The following FBL variants were observed in gnomAD, a reference collection of about 807,000 sequenced individuals.
The protein encoded by FBL is rRNA 2'-O-methyltransferase fibrillarin.
FBL carries 10 observed loss-of-function variants against 42.2 expected under a neutral mutation model. The ratio of observed to expected loss-of-function variants is 0.24; its 90% CI spans 0.15 to 0.40. FBL has a LOEUF of 0.40. Ranked by LOEUF, FBL falls within the 10% of genes least tolerant of loss-of-function variation. The pLI, the probability that FBL is intolerant of heterozygous loss-of-function variation, is 1.00. For synonymous variants in FBL, 165 were observed against 165.4 expected (o/e 1.00, Z 0.02); for missense variants, 351 against 439.2 (o/e 0.80, Z 1.79).
chr19:39,837,887 T>C (rs1242675626), intron 5 of FBL, 44 bp from the exon 6 acceptor site: 1 of 1,570,004 alleles, frequency 6.4e-7, no homozygotes, highest in East Asian at 2.3e-5. Context: ...CTAGTTCTCA[T>C]GCATGGAGTG....
intron 7 of FBL, among the ~76,000 whole-genome samples, chr19:39,836,290 TAGACA>T (rs1193983746): frequency 6.6e-6 from 1 of 152,124 alleles, no homozygotes; most frequent in Admixed American, 6.5e-5. Context: ...TGAAAAAGAC[TAGACA>T]ATATTTCTAT....
At chr19:39,842,237 C>G (rs898523445) in intron 1 of FBL, among the ~76,000 whole-genome samples, 2 of 152,294 alleles carry the variant, frequency 1.3e-5, no homozygotes, top group East Asian at 3.9e-4. Flanking sequence ...AGGCGCCCAC[C>G]ACCATGCCCG....
rs546898553 is a variant in FBL at position 39,846,315 on chromosome 19, T to C, written c.-15A>G. On this transcript the variant is annotated 5_prime_UTR_variant, in exon 1 of 9. Transcript: ENST00000221801. Reference sequence around the variant, plus strand: ...CCTGGCTTCATGGCGAGCCCTGGTTTGTGCGGCTCCGGAGTCCGCGGCGTT... The same window carrying C: ...CCTGGCTTCATGGCGAGCCCTGGTTCGTGCGGCTCCGGAGTCCGCGGCGTT... The C allele has an allele frequency of 2.5e-6, 4 of 1,613,516 alleles. No individual in the cohort carries two copies. Among genetic ancestry groups the C allele is most frequent in the East Asian group, 2.2e-5 (1 of 44,868 alleles).
chr19:39,834,675 C>G lies in FBL; in HGVS notation c.934G>C (p.Val312Leu). Residue 312 changes from valine (V) to leucine (L), a missense_variant, in exon 8 of 9, where the codon GTG becomes CTG. Coordinates refer to ENST00000221801, the MANE Select transcript of FBL (RefSeq NM_001436.4). The part of the protein sequence containing the change: ...YERDHAVVVG[V>L]YRPPPKVKN Reference sequence around the variant, plus strand: ...TGCTGGGCCCCTGCTCACCTGTACACTCCCACGACCACGGCATGGTCTCTT... The same window carrying G: ...TGCTGGGCCCCTGCTCACCTGTACAGTCCCACGACCACGGCATGGTCTCTT... 1 of 1,614,152 alleles carries G rather than the reference C, an allele frequency of 6.2e-7. No individual in the cohort carries two copies. Among genetic ancestry groups the G allele is most frequent in the South Asian group, 1.1e-5 (1 of 91,082 alleles).
intron 4 of FBL, 46 bp from the exon 5 acceptor site, chr19:39,839,251 G>C (rs1384893715): frequency 1.3e-6 from 2 of 1,501,002 alleles, no homozygotes; most frequent in Non-Finnish European, 1.8e-6. Flanking sequence ...CTCTTCTGCA[G>C]GACCTCACTG....
intron 1 of FBL, among the ~76,000 whole-genome samples, chr19:39,844,120 C>G (rs771685418): frequency 2.6e-5 from 4 of 152,118 alleles, no homozygotes; most frequent in Non-Finnish European, 5.9e-5. Flanking sequence ...ATGTTCTACT[C>G]CCCCTACAGT....
intron 7 of FBL, among the ~76,000 whole-genome samples, chr19:39,835,082 GGAT>G (rs1343551543): frequency 2.0e-5 from 3 of 152,220 alleles, no homozygotes; most frequent in Non-Finnish European, 4.4e-5. Flanking sequence ...CTGATTAAAA[GGAT>G]GATTATGCCC....
Position 39,834,776 on chromosome 19 carries a change from A to G in FBL, c.833T>C (p.Val278Ala). The G allele has an allele frequency of 6.2e-7, 1 of 1,614,248 alleles. No homozygotes were observed. Among genetic ancestry groups the G allele is most frequent in the Non-Finnish European group, 8.5e-7 (1 of 1,180,042 alleles). The change falls in exon 8 of 9, where the codon GTG (valine) becomes GCG (alanine). Residue 278 changes from valine (V) to alanine (A), a missense_variant. By Grantham distance (64) the Val-to-Ala change is moderately conservative. Coordinates refer to ENST00000221801, the MANE Select transcript of FBL (RefSeq NM_001436.4). Reference sequence around the variant, plus strand: ...CATCTTTTTCACTTCGGAGGCAAACACGGCCTCGGCTGAGGCTGTGGAGTC... The same window carrying G: ...CATCTTTTTCACTTCGGAGGCAAACGCGGCCTCGGCTGAGGCTGTGGAGTC... ...CIDSTASAEAVFASEVKKMQQ... is the reference protein window; with the variant it reads ...CIDSTASAEAAFASEVKKMQQ...
rs1289080674 is a variant in FBL at position 39,837,791 on chromosome 19, A to G, written c.602T>C (p.Ile201Thr). 5 of 1,609,638 alleles carry G rather than the reference A, an allele frequency of 3.1e-6. No individual in the cohort carries two copies. The highest frequency in any genetic ancestry group is 4.2e-6 in the Non-Finnish European group (5 of 1,178,548). Reference protein sequence around the residue: ...EFSHRSGRDLINLAKKRTNII... With the variant: ...EFSHRSGRDLTNLAKKRTNII... ...GTTGGTCCTCTTCTTGGCCAAGTTAATGAGGTCACGGCCAGAGCGGTGGGA... is the reference window on the plus strand; with the variant it reads ...GTTGGTCCTCTTCTTGGCCAAGTTAGTGAGGTCACGGCCAGAGCGGTGGGA... The change falls in exon 6 of 9, where the codon ATT becomes ACT. Residue 201 changes from isoleucine (I) to threonine (T), a missense_variant. By Grantham distance (89) the Ile-to-Thr change is moderately conservative. Coordinates refer to ENST00000221801, the MANE Select transcript of FBL (RefSeq NM_001436.4).
At position 39,839,169 on chromosome 19, in the gene FBL, G is replaced by C; in HGVS notation, c.415C>G (p.Pro139Ala). Reference sequence around the variant, plus strand: ...GCTGCTGCTAGCTTGGAGCGGAAGGGGTTCCAGGCTCGGTACTCAATTTTG... The same window carrying C: ...GCTGCTGCTAGCTTGGAGCGGAAGGCGTTCCAGGCTCGGTACTCAATTTTG... Reference protein sequence around the residue: ...DDKIEYRAWNPFRSKLAAAIL... With the variant: ...DDKIEYRAWNAFRSKLAAAIL... The change falls in exon 5 of 9, where the codon CCC becomes GCC. Residue 139 changes from proline to alanine, a missense_variant. Physicochemically the swap from Pro to Ala is conservative, Grantham distance 27. Coordinates refer to ENST00000221801, the MANE Select transcript of FBL (RefSeq NM_001436.4). The C allele has an allele frequency of 6.2e-7, 1 of 1,613,546 alleles. No homozygotes were observed. The highest frequency in any genetic ancestry group is 8.5e-7 in the Non-Finnish European group (1 of 1,179,718).
intron 1 of FBL, among the ~76,000 whole-genome samples, chr19:39,843,697 G>A (rs1413887093): frequency 2.0e-5 from 3 of 152,212 alleles, no homozygotes; most frequent in Non-Finnish European, 4.4e-5. Flanking sequence ...ATTGAACACA[G>A]GCGGAGGTTG....
intron 5 of FBL, chr19:39,838,142 G>A: frequency 2.9e-6 from 1 of 342,326 alleles, no homozygotes; most frequent in Non-Finnish European, 5.3e-6. Context: ...ATGTAACAAT[G>A]GGCCAACCAC....
chr19:39,839,334 G>A, intron 4 of FBL, 129 bp from the exon 5 acceptor site: 5 of 704,898 alleles, frequency 7.1e-6, no homozygotes, highest in Non-Finnish European at 9.3e-6. Flanking sequence ...TGAGTAAAGA[G>A]CAGTGACCAT....
chr19:39,840,479 C>T lies in FBL; in HGVS notation c.218G>A (p.Gly73Asp). The T allele has an allele frequency of 6.2e-7, 1 of 1,614,188 alleles. No individual in the cohort carries two copies. The highest frequency in any genetic ancestry group is 8.5e-7 in the Non-Finnish European group (1 of 1,180,036). Residue 73 changes from glycine (G) to aspartate (D), a missense_variant, in exon 3 of 9, where the codon GGT (glycine) becomes GAT (aspartate). Transcript: ENST00000221801. The surrounding 1 kb of genome is among the most constrained non-coding windows in gnomAD (Gnocchi z 4.5). The stretch of plus-strand genomic sequence containing the variant: ...CTGGTTTCCTCTTTTTCCTCCCCGA[C>T]CACGACCCCGGTTGCCACCAGAATG... ...GFHSGGNRGR[G>D]RGGKRGNQSG...
At chr19:39,844,367 A>C (rs1969219141) in intron 1 of FBL, among the ~76,000 whole-genome samples, 1 of 152,082 alleles carries the variant, frequency 6.6e-6, no homozygotes, top group Non-Finnish European at 1.5e-5. Flanking sequence ...AAAACATCTC[A>C]ATCCGTTTCA....
intron 1 of FBL, among the ~76,000 whole-genome samples, chr19:39,841,444 G>C (rs768805740): frequency 2.0e-5 from 3 of 152,214 alleles, no homozygotes; most frequent in Non-Finnish European, 4.4e-5. Context: ...TTAATATGGG[G>C]TTGGGATAGG....
intron 5 of FBL, 71 bp from the exon 6 acceptor site, chr19:39,837,914 A>T: frequency 7.9e-7 from 1 of 1,273,294 alleles, no homozygotes. Flanking sequence ...TTAGGCCCAT[A>T]CACTATACAC....
intron 7 of FBL, among the ~76,000 whole-genome samples, chr19:39,835,912 C>CGA (rs1259385578): frequency 6.6e-6 from 1 of 151,284 alleles, no homozygotes; most frequent in Non-Finnish European, 1.5e-5. Context: ...GGTGACAGAG[C>CGA]GAGACTCTGT....
chr19:39,836,584 T>A lies in FBL; in HGVS notation c.767A>T (p.Asn256Ile), dbSNP rs1269886091. The stretch of plus-strand genomic sequence containing the variant: ...AATGGAAATCACAAAGTGTCCTCCA[T>A]TACGCAGGAAGGTGTGGGCATTCAG... ...VALNAHTFLR[N>I]GGHFVISIKA... Residue 256 changes from asparagine to isoleucine, a missense_variant, in exon 7 of 9, where the codon AAT becomes ATT. Physicochemically the swap from Asn to Ile is moderately radical, Grantham distance 149. Coordinates refer to ENST00000221801, the MANE Select transcript of FBL (RefSeq NM_001436.4). 6.2e-7 allele frequency: 1 copy of A among 1,613,936 alleles called. No individual in the cohort carries two copies. Among genetic ancestry groups the A allele is most frequent in the East Asian group, 2.2e-5 (1 of 44,886 alleles).
Sources: gnomAD v4.1 joint callset for allele counts (sites outside exome capture counted in the v4.1 genomes callset) on GRCh38, gnomAD v4.1.1 for gene constraint, Gnocchi (gnomAD v3.1) non-coding constraint, MANE v1.5 for transcripts, NCBI Gene and HGNC (gene_info 2026-07-23, HGNC 2026-07-21) for gene names.